The following RDH11 variants were observed in gnomAD, a reference collection of about 807,000 sequenced individuals.
The protein encoded by RDH11 is HCV core-binding protein HCBP12.
RDH11 carries 19 observed loss-of-function variants against 33.4 expected under a neutral mutation model. The ratio of observed to expected loss-of-function variants is 0.57; its 90% CI spans 0.40 to 0.83. The LOEUF (loss-of-function observed/expected upper bound fraction) is 0.83, where lower values mean the gene tolerates loss of function less well. RDH11 is among the 40% of genes least tolerant of loss of function. The pLI is 0.00. For synonymous variants in RDH11, 154 were observed against 155.3 expected, an observed-to-expected ratio of 0.99 and a Z score of 0.06; for missense variants, 353 against 389.0, an observed-to-expected ratio of 0.91 and a Z score of 0.78.
rs184193571 is a variant in RDH11 at position 67,687,224 on chromosome 14, T to A, written c.665-2020A>T. Among the ~76,000 whole-genome samples the A allele has an allele frequency of 1.6e-3, 244 of 152,318 alleles. 1 individual carries two copies. Among genetic ancestry groups the A allele is most frequent in the Non-Finnish European group, 2.6e-3 (175 of 68,032 alleles). On this transcript the variant is annotated intron_variant, in intron 5 of 6. Transcript: ENST00000381346. ...TGAAATCAACTGCTGCAACCCCTCT[T>A]GCCCCCATTTTGAAAAGGCTTTAAT...
chr14:67,693,517 G>GAA (rs74415536), intron 1 of RDH11, among the ~76,000 whole-genome samples: 1 of 145,860 alleles, frequency 6.9e-6, no homozygotes, highest in African/African-American at 2.5e-5. Context: ...AAATAAACAA[G>GAA]AAAAAAAAAA....
chr14:67,691,394 A>G, intron 3 of RDH11, 150 bp from the exon 4 acceptor site: 2 of 598,018 alleles, frequency 3.3e-6, no homozygotes, highest in Non-Finnish European at 5.9e-6. Flanking sequence ...ATTGTTTTTC[A>G]TTTTAAGACT....
Position 67,678,205 on chromosome 14 carries a change from G to A in RDH11, c.*116C>T. The A allele has an allele frequency of 1.5e-6, 1 of 688,374 alleles. No homozygotes were observed. 42.6% of individuals were successfully genotyped at this position (688,374 alleles called of 1,614,324 possible). A position where few individuals can be genotyped will look rare whatever the true frequency, so the allele number is the denominator to read the frequency against. Reference sequence around the variant, plus strand: ...ACTGGACACCAAGCAGGCAAGGCTGGAAGGTTTTGCTCTCTTTGTGCTAAA... The same window carrying A: ...ACTGGACACCAAGCAGGCAAGGCTGAAAGGTTTTGCTCTCTTTGTGCTAAA... On this transcript the variant is annotated 3_prime_UTR_variant, in exon 7 of 7. Coordinates refer to ENST00000381346, the MANE Select transcript of RDH11 (RefSeq NM_016026.4).
At chr14:67,687,480 T>G (rs1367885653) in intron 5 of RDH11, among the ~76,000 whole-genome samples, 1 of 150,242 alleles carries the variant, frequency 6.7e-6, no homozygotes, top group Non-Finnish European at 1.5e-5. Context: ...TTTTTTTTTT[T>G]TTTTTTTGAG....
intron 6 of RDH11, among the ~76,000 whole-genome samples, chr14:67,681,832 A>G (rs908182674): frequency 1.3e-5 from 2 of 152,222 alleles, no homozygotes; most frequent in Admixed American, 6.5e-5. Flanking sequence ...TGCTACAACT[A>G]TAAGACTATT....
intron 6 of RDH11, 28 bp from the exon 7 acceptor site, chr14:67,678,451 C>T (rs1395512126): frequency 6.7e-7 from 1 of 1,497,130 alleles, no homozygotes; most frequent in Non-Finnish European, 9.3e-7. Context: ...AGGTATGAAG[C>T]ACAGTGTTAA....
At chr14:67,690,722 G>A (rs2037738807) in intron 4 of RDH11, 3 of 406,848 alleles carry the variant, frequency 7.4e-6, no homozygotes, top group South Asian at 5.1e-5. Flanking sequence ...GGTGGCTCAC[G>A]CCGGTAATCT....
At chr14:67,684,852 A>C in intron 6 of RDH11, 163 bp downstream of exon 6, 1 of 516,298 alleles carries the variant, frequency 1.9e-6, no homozygotes, top group Non-Finnish European at 3.4e-6. Flanking sequence ...AGCAGTTATT[A>C]CAAAAGAGAG....
chr14:67,681,817 T>G (rs1254462203), intron 6 of RDH11, among the ~76,000 whole-genome samples: 1 of 152,172 alleles, frequency 6.6e-6, no homozygotes, highest in Non-Finnish European at 1.5e-5. Context: ...CACAGACCTA[T>G]GTAATGCTAC....
intron 5 of RDH11, among the ~76,000 whole-genome samples, chr14:67,687,812 C>T (rs554651782): frequency 2.1e-5 from 3 of 145,244 alleles, no homozygotes; most frequent in South Asian, 4.4e-4. Context: ...TTACTCGTGA[C>T]GCCCAGGCTG....
intron 5 of RDH11, among the ~76,000 whole-genome samples, chr14:67,689,926 CAG>C (rs2037727985): frequency 6.6e-6 from 1 of 151,162 alleles, no homozygotes; most frequent in Non-Finnish European, 1.5e-5. Flanking sequence ...GCATGGGTGA[CAG>C]AGCAAGATCC....
intron 5 of RDH11, among the ~76,000 whole-genome samples, chr14:67,688,309 G>T (rs2037706275): frequency 6.6e-6 from 1 of 152,030 alleles, no homozygotes; most frequent in Non-Finnish European, 1.5e-5. Context: ...TGTTGTTAAG[G>T]AAATACATAA....
intron 6 of RDH11, among the ~76,000 whole-genome samples, chr14:67,683,488 CT>C (rs892819225): frequency 6.6e-6 from 1 of 152,194 alleles, no homozygotes; most frequent in Non-Finnish European, 1.5e-5. Flanking sequence ...AACTGTTACT[CT>C]TTGGCTGAAC....
intron 6 of RDH11, among the ~76,000 whole-genome samples, chr14:67,680,657 T>C (rs1188733853): frequency 1.3e-5 from 2 of 151,996 alleles, no homozygotes; most frequent in South Asian, 2.1e-4. Context: ...TGGGGTCTCA[T>C]TATGTTGCCT....
At chr14:67,691,821 A>C (rs1376185634) in intron 3 of RDH11, 5 of 153,650 alleles carry the variant, frequency 3.3e-5, no homozygotes, top group Non-Finnish European at 7.2e-5. Flanking sequence ...ATGAGACACT[A>C]CAGGTTTTTA....
At chr14:67,690,641 A>G in intron 4 of RDH11, 1 of 521,448 alleles carries the variant, frequency 1.9e-6, no homozygotes, top group Non-Finnish European at 3.4e-6. Flanking sequence ...GGTCTAGACT[A>G]TGTGAATATG....
At chr14:67,691,479 G>A in intron 3 of RDH11, 1 of 431,514 alleles carries the variant, frequency 2.3e-6, no homozygotes, top group Non-Finnish European at 4.2e-6. Flanking sequence ...CCAGATCCTT[G>A]TAGTTCAGGA....
At position 67,683,430 on chromosome 14, in the gene RDH11, A is replaced by G. The variant is rs1173612613; in HGVS notation, c.854+1585T>C. 7.9e-5 allele frequency among the ~76,000 whole-genome samples: 12 copies of G among 152,332 alleles called. No individual in the cohort carries two copies. In the East Asian group the frequency reaches 2.1e-3, roughly 27 times the overall value. ...ACATTTCTACTTGCATGCCTTATAG[A>G]TAACACACATGCAACATGTACAGAG... On this transcript the variant is annotated intron_variant, in intron 6 of 6. Transcript: ENST00000381346.
chr14:67,679,536 T>C (rs560707405), intron 6 of RDH11, among the ~76,000 whole-genome samples: 1 of 152,024 alleles, frequency 6.6e-6, no homozygotes, highest in South Asian at 2.1e-4. Context: ...CCAGAGTAGC[T>C]GGGATTATAG....
Sources: allele counts gnomAD v4.1 joint callset (sites outside exome capture counted in the v4.1 genomes callset), GRCh38; gene constraint gnomAD v4.1.1; transcripts MANE v1.5; gene names NCBI Gene and HGNC (gene_info 2026-07-23, HGNC 2026-07-21).